Variants in DNAH5 observed in about 807,000 individuals in gnomAD.
DNAH5 encodes the protein dynein axonemal heavy chain 5.
A neutral mutation model predicts 518.2 loss-of-function variants in DNAH5; 372 were observed. That is an observed-to-expected ratio of 0.72 (90% confidence interval 0.66 to 0.78). The LOEUF is 0.78. Ranked by LOEUF, DNAH5 falls within the 30% of genes least tolerant of loss-of-function variation. The pLI is 0.00. For synonymous variants in DNAH5, 2,039 were observed against 2,025.9 expected (o/e 1.01, Z -0.17); for missense variants, 5,523 against 5,687.0 (o/e 0.97, Z 0.93).
intron 1 of DNAH5, among the ~76,000 whole-genome samples, chr5:13,952,649 G>A (rs1265604022): frequency 6.6e-6 from 1 of 152,110 alleles, no homozygotes; most frequent in Non-Finnish European, 1.5e-5. Context: ...ATCCCATCCA[G>A]GACCTAATTA....
Position 13,777,337 on chromosome 5 carries a change from A to G in DNAH5, c.8970T>C (p.Asn2990=). The change falls in exon 54 of 79, where the codon AAT becomes AAC. Residue 2990 remains asparagine, a synonymous_variant. Transcript: ENST00000265104. ...ITLTRSYNTS[N]LMEDLKVLYR... is the part of the protein sequence containing the mutation. The stretch of plus-strand genomic sequence containing the variant: ...ACAAAACCTTCAGATCTTCCATCAG[A>G]TTTGATGTGTTGTAGGATCTAAAGA... 6.2e-7 allele frequency: 1 copy of G among 1,613,296 alleles called. No homozygotes were observed. Among genetic ancestry groups the G allele is most frequent in the Non-Finnish European group, 8.5e-7 (1 of 1,179,544 alleles).
intron 70 of DNAH5, among the ~76,000 whole-genome samples, chr5:13,726,124 C>A (rs774615775): frequency 6.6e-6 from 1 of 152,212 alleles, no homozygotes; most frequent in Non-Finnish European, 1.5e-5. Context: ...TTGAATGTAT[C>A]TACATTGTAG....
At chr5:13,730,705 A>ATTTT (rs925844207) in intron 68 of DNAH5, among the ~76,000 whole-genome samples, 20 of 123,468 alleles carry the variant, frequency 1.6e-4, no homozygotes, top group African/African-American at 5.7e-4. Context: ...AAGTGCTGTT[A>ATTTT]TTTTTTTTTT....
intron 35 of DNAH5, among the ~76,000 whole-genome samples, chr5:13,836,385 C>T (rs1307202562): frequency 1.3e-5 from 2 of 152,068 alleles, no homozygotes; most frequent in African/African-American, 4.8e-5. Context: ...AAGAGAAGAG[C>T]CTGGCAGTTC....
At chr5:13,808,097 G>C (rs1759935121) in intron 46 of DNAH5, among the ~76,000 whole-genome samples, 1 of 151,944 alleles carries the variant, frequency 6.6e-6, no homozygotes, top group South Asian at 2.1e-4. Flanking sequence ...AGGTGTGGTG[G>C]TGTGCACCTG....
At chr5:13,731,362 C>A (rs1470214429) in intron 68 of DNAH5, among the ~76,000 whole-genome samples, 7 of 152,192 alleles carry the variant, frequency 4.6e-5, no homozygotes, top group African/African-American at 7.2e-5. Flanking sequence ...AGTAAGACAT[C>A]CACCAGAGGG....
chr5:13,980,999 G>A (rs1782635844), intron 1 of DNAH5, among the ~76,000 whole-genome samples: 1 of 152,130 alleles, frequency 6.6e-6, no homozygotes, highest in Non-Finnish European at 1.5e-5. Flanking sequence ...CCTTACCAGT[G>A]AGCCAACTTC....
At chr5:13,737,152 A>G in intron 66 of DNAH5, 100 bp downstream of exon 66, 1 of 1,561,664 alleles carries the variant, frequency 6.4e-7, no homozygotes, top group Admixed American at 1.7e-5. Flanking sequence ...CACTTTGCAT[A>G]ATCATTTGTA....
At chr5:13,945,476 C>T (rs1490506615), upstream of DNAH5, among the ~76,000 whole-genome samples, 1 of 152,232 alleles carries the variant, frequency 6.6e-6, no homozygotes, top group African/African-American at 2.4e-5. Context: ...TGGAGATTCA[C>T]TTGGTCCATA....
At chr5:13,721,756 C>T (rs970566691) in intron 70 of DNAH5, among the ~76,000 whole-genome samples, 6 of 152,256 alleles carry the variant, frequency 3.9e-5, no homozygotes, top group East Asian at 1.9e-4. Context: ...TCATCATTGT[C>T]GTCATTCCTT....
intron 2 of DNAH5, 135 bp from the exon 3 acceptor site, chr5:13,928,313 C>A: frequency 1.5e-6 from 1 of 652,166 alleles, no homozygotes; most frequent in East Asian, 2.8e-5. Flanking sequence ...CTAATGTATC[C>A]TATAAAAAAG....
chr5:13,747,153 C>T (rs1469196402), intron 65 of DNAH5, among the ~76,000 whole-genome samples: 1 of 151,870 alleles, frequency 6.6e-6, no homozygotes, highest in African/African-American at 2.4e-5. Context: ...GTTTTTTGTC[C>T]TTGCGATAGT....
chr5:13,960,260 C>T (rs949620575), intron 1 of DNAH5, among the ~76,000 whole-genome samples: 1 of 152,230 alleles, frequency 6.6e-6, no homozygotes, highest in South Asian at 2.1e-4. Flanking sequence ...CGAGGTGGAC[C>T]GTACTGTGTT....
intron 67 of DNAH5, 63 bp downstream of exon 67, chr5:13,735,755 G>T: frequency 1.6e-6 from 2 of 1,222,494 alleles, no homozygotes; most frequent in Non-Finnish European, 1.2e-6. Context: ...AGTTATAAAT[G>T]TAATGTCATC....
rs1321850022 is a variant in DNAH5, at chr5:13,919,242, T to C, written c.909A>G (p.Gln303=). Residue 303 remains glutamine (Q), a synonymous_variant, in exon 7 of 79, where the codon CAA becomes CAG. Coordinates refer to ENST00000265104, the MANE Select transcript of DNAH5 (RefSeq NM_001369.3). ...RLSKFNYLLE[Q]LKSPDVKAVL... ...CAGCCTTCACATCCGGGCTTTTCAA[T>C]TGTTCCAAAAGGTAGTTAAACTTGG... 1 of 1,614,034 alleles carries C rather than the reference T, an allele frequency of 6.2e-7. No individual in the cohort carries two copies. The highest frequency in any genetic ancestry group is 8.5e-7 in the Non-Finnish European group (1 of 1,180,012).
intron 1 of DNAH5, among the ~76,000 whole-genome samples, chr5:13,979,814 T>C (rs1184321256): frequency 2.0e-5 from 3 of 151,638 alleles, no homozygotes; most frequent in African/African-American, 4.8e-5. Flanking sequence ...GTTTTACTGA[T>C]CAACTGCATT....
chr5:13,900,479 A>G (rs1774459359), intron 14 of DNAH5, 67 bp from the exon 15 acceptor site: 9 of 1,264,168 alleles, frequency 7.1e-6, no homozygotes, highest in African/African-American at 1.5e-5. Context: ...TAGCTCAGCT[A>G]TCTCTAGGAA....
intron 35 of DNAH5, among the ~76,000 whole-genome samples, chr5:13,838,311 C>CCATG (rs1764683518): frequency 6.6e-6 from 1 of 152,172 alleles, no homozygotes; most frequent in Non-Finnish European, 1.5e-5. Flanking sequence ...GAGTATTGGT[C>CCATG]CATGGTCTGT....
intron 66 of DNAH5, 140 bp downstream of exon 66, chr5:13,737,112 T>C: frequency 7.8e-6 from 11 of 1,401,504 alleles, no homozygotes; most frequent in Non-Finnish European, 9.9e-6. Context: ...TTACGGAATA[T>C]TTCCCAACAG....
Sources: allele counts gnomAD v4.1 joint callset (sites outside exome capture counted in the v4.1 genomes callset), GRCh38; gene constraint gnomAD v4.1.1; transcripts MANE v1.5; gene names NCBI Gene and HGNC (gene_info 2026-07-23, HGNC 2026-07-21).